DAB1: variants seen among roughly 807,000 people sequenced by gnomAD.
The protein encoded by DAB1 is disabled homolog 1.
In DAB1, 15 loss-of-function variants were observed where a neutral mutation model predicts 64.6. The ratio of observed to expected loss-of-function variants is 0.23; its 90% CI spans 0.16 to 0.36. The LOEUF (loss-of-function observed/expected upper bound fraction) is 0.36, where lower values mean the gene tolerates loss of function less well. DAB1 is among the 10% of genes least tolerant of loss of function. DAB1 has a pLI of 1.00. For missense variants in DAB1, 596 were observed against 706.7 expected, an observed-to-expected ratio of 0.84 and a Z score of 1.78; for synonymous variants, 235 against 251.9, an observed-to-expected ratio of 0.93 and a Z score of 0.64.
At chr1:57,959,547 T>C (rs554274021) in intron 5 of DAB1, among the ~76,000 whole-genome samples, 1 of 152,306 alleles carries the variant, frequency 6.6e-6, no homozygotes, top group Admixed American at 6.5e-5. Flanking sequence ...GGGATGTAAA[T>C]TGGTAGCCAA....
intron 4 of DAB1, among the ~76,000 whole-genome samples, chr1:58,209,154 C>A (rs910968058): frequency 6.6e-6 from 1 of 152,160 alleles, no homozygotes; most frequent in Admixed American, 6.5e-5. Flanking sequence ...GGCTGACCAG[C>A]AATGATGCAT....
chr1:58,029,261 G>A (rs550798980), intron 5 of DAB1, among the ~76,000 whole-genome samples: 1 of 152,306 alleles, frequency 6.6e-6, no homozygotes, highest in East Asian at 1.9e-4. Flanking sequence ...GCCTCAGTGG[G>A]ATTGCTCTTT....
chr1:57,247,288 C>T (rs1036441525), intron 2 of DAB1, among the ~76,000 whole-genome samples: 11 of 152,108 alleles, frequency 7.2e-5, no homozygotes, highest in African/African-American at 2.2e-4. Context: ...CTCATGATAG[C>T]GAGTTCTTCA....
At chr1:57,670,158 TAGAG>T (rs923585452) in intron 6 of DAB1, among the ~76,000 whole-genome samples, 2 of 152,180 alleles carry the variant, frequency 1.3e-5, no homozygotes, top group African/African-American at 4.8e-5. Flanking sequence ...TTATTAATAA[TAGAG>T]AGGTGCAGCA....
At chr1:57,819,921 A>C (rs852765) in intron 6 of DAB1, among the ~76,000 whole-genome samples, 47,630 of 152,190 alleles carry the variant, frequency 0.31, 8,778 homozygotes, top group Admixed American at 0.46. Flanking sequence ...GTCTGCAACT[A>C]GTGCTATTTA....
At chr1:58,513,732 G>C (rs922219101) in intron 2 of DAB1, among the ~76,000 whole-genome samples, 25 of 152,156 alleles carry the variant, frequency 1.6e-4, no homozygotes, top group Admixed American at 1.4e-3. Context: ...GCCAGGCATT[G>C]TTTTAAGTGT....
At chr1:57,407,094 T>C (rs1198300876) in intron 1 of DAB1, among the ~76,000 whole-genome samples, 1 of 152,232 alleles carries the variant, frequency 6.6e-6, no homozygotes, top group African/African-American at 2.4e-5. Flanking sequence ...ATTATTCCCA[T>C]CTAAAGTGAA....
intron 4 of DAB1, among the ~76,000 whole-genome samples, chr1:57,102,128 A>T (rs1654734781): frequency 6.6e-6 from 1 of 152,210 alleles, no homozygotes; most frequent in South Asian, 2.1e-4. Context: ...CTTTGGAGTA[A>T]TAGAGCCAAG....
At chr1:58,318,589 A>C (rs867256541) in intron 4 of DAB1, among the ~76,000 whole-genome samples, 10 of 152,210 alleles carry the variant, frequency 6.6e-5, no homozygotes, top group Admixed American at 1.3e-4. Flanking sequence ...CTGTCCTAGA[A>C]GCCAAAAGGG....
chr1:57,757,270 G>C (rs1338123133), intron 6 of DAB1, among the ~76,000 whole-genome samples: 1 of 143,636 alleles, frequency 7.0e-6, no homozygotes, highest in African/African-American at 2.5e-5. Flanking sequence ...AAATGGACCA[G>C]GAACTAAATC....
intron 7 of DAB1, among the ~76,000 whole-genome samples, chr1:57,578,502 A>T (rs1645276468): frequency 2.0e-5 from 3 of 152,334 alleles, no homozygotes; most frequent in Admixed American, 6.5e-5. Flanking sequence ...CATAGAACTT[A>T]TGTTCCAGAG....
At chr1:57,790,844 C>T (rs1650562686) in intron 6 of DAB1, among the ~76,000 whole-genome samples, 1 of 152,076 alleles carries the variant, frequency 6.6e-6, no homozygotes, top group African/African-American at 2.4e-5. Context: ...ACTGGTTTTA[C>T]ATGTATATAA....
At chr1:58,241,635 A>G (rs1660303438) in intron 4 of DAB1, among the ~76,000 whole-genome samples, 1 of 152,138 alleles carries the variant, frequency 6.6e-6, no homozygotes, top group South Asian at 2.1e-4. Context: ...AAGAAAAAGA[A>G]TCATCTAAAA....
At chr1:57,694,331 G>A (rs1646798398) in intron 6 of DAB1, among the ~76,000 whole-genome samples, 1 of 152,190 alleles carries the variant, frequency 6.6e-6, no homozygotes, top group Non-Finnish European at 1.5e-5. Context: ...TGGGAGTCAA[G>A]AGAGACTGGC....
chr1:57,110,286 C>A (rs962387536), intron 4 of DAB1, among the ~76,000 whole-genome samples: 2 of 152,194 alleles, frequency 1.3e-5, no homozygotes, highest in Admixed American at 1.3e-4. Flanking sequence ...AATTCAGGCT[C>A]ATCTTGGAGA....
intron 7 of DAB1, among the ~76,000 whole-genome samples, chr1:57,527,216 C>T (rs1411166479): frequency 6.6e-6 from 1 of 152,144 alleles, no homozygotes; most frequent in East Asian, 1.9e-4. Context: ...CTGTCTCAGA[C>T]CGATTCCTTA....
intron 6 of DAB1, among the ~76,000 whole-genome samples, chr1:57,774,315 A>G (rs1340215992): frequency 6.6e-6 from 1 of 151,848 alleles, no homozygotes; most frequent in African/African-American, 2.4e-5. Context: ...GTATCCTGCA[A>G]TCTGGCTAAA....
intron 6 of DAB1, among the ~76,000 whole-genome samples, chr1:57,653,594 T>A (rs1399123332): frequency 6.6e-6 from 1 of 152,102 alleles, no homozygotes; most frequent in Non-Finnish European, 1.5e-5. Flanking sequence ...ATAGAGTACA[T>A]GCATCTTCAG....
intron 5 of DAB1, among the ~76,000 whole-genome samples, chr1:57,978,326 T>G (rs773635711): frequency 7.2e-5 from 11 of 152,228 alleles, no homozygotes; most frequent in Non-Finnish European, 1.3e-4. Flanking sequence ...AAAGATGCCC[T>G]ATTTAATAAA....
Sources: gnomAD v4.1 joint callset for allele counts (sites outside exome capture counted in the v4.1 genomes callset) on GRCh38, gnomAD v4.1.1 for gene constraint, MANE v1.5 for transcripts, NCBI Gene and HGNC (gene_info 2026-07-23, HGNC 2026-07-21) for gene names.